The following TMEM135 variants were observed in gnomAD, a reference collection of about 807,000 sequenced individuals.
TMEM135 encodes the protein transmembrane protein 135, also known as peroxisomal membrane protein 52.
A neutral mutation model predicts 60.3 loss-of-function variants in TMEM135; 30 were observed. That is an observed-to-expected ratio of 0.50 (90% CI 0.37 to 0.68). The LOEUF (loss-of-function observed/expected upper bound fraction) is 0.68. TMEM135 is among the 30% of genes least tolerant of loss of function. TMEM135 has a pLI of 0.00. For synonymous variants in TMEM135, 190 were observed against 186.7 expected (o/e 1.02, Z -0.14); for missense variants, 468 against 548.8 (o/e 0.85, Z 1.47).
chr11:87,088,500 A>G (rs556968636), intron 3 of TMEM135, among the ~76,000 whole-genome samples: 46 of 152,384 alleles, frequency 3.0e-4, no homozygotes, highest in African/African-American at 8.4e-4. Flanking sequence ...TCAATTGTTG[A>G]AAACTGTAGA....
intron 4 of TMEM135, among the ~76,000 whole-genome samples, chr11:87,128,190 A>G (rs1168165132): frequency 6.6e-6 from 1 of 152,220 alleles, no homozygotes; most frequent in Non-Finnish European, 1.5e-5. Flanking sequence ...CTGGAAAACA[A>G]AACTACAGCC....
intron 10 of TMEM135, among the ~76,000 whole-genome samples, chr11:87,311,692 G>T (rs77983468): frequency 0.021 from 3,259 of 152,022 alleles, 72 homozygotes; most frequent in East Asian, 0.056. Flanking sequence ...AAATATTCAC[G>T]TGGTGTGTTC....
intron 4 of TMEM135, among the ~76,000 whole-genome samples, chr11:87,132,020 C>T (rs11234989): frequency 0.12 from 18,348 of 152,022 alleles, 1,436 homozygotes; most frequent in African/African-American, 0.21. Flanking sequence ...TGTCTCCTGT[C>T]ACCCCTAGAT....
chr11:87,323,779 C>T lies in TMEM135; in HGVS notation c.*2446C>T. On this transcript the variant is annotated 3_prime_UTR_variant, in exon 15 of 15. Coordinates refer to ENST00000305494, the MANE Select transcript of TMEM135 (RefSeq NM_022918.4). ...GATAACAGATTGTCTCAAATCTATT[C>T]AATTCTCAGCAGTTTTTCATCAAAT... 2.2e-6 allele frequency: 1 copy of T among 453,914 alleles called. No individual in the cohort carries two copies. The highest frequency in any genetic ancestry group is 7.0e-5 in the East Asian group (1 of 14,386). 28.1% of individuals were successfully genotyped at this position (453,914 alleles called of 1,614,324 possible).
chr11:87,277,396 G>C (rs1203953291), intron 6 of TMEM135: 1 of 267,236 alleles, frequency 3.7e-6, no homozygotes, highest in Non-Finnish European at 7.7e-6. Context: ...CTCCCAAAGT[G>C]CTGAGATTAC....
Position 87,270,502 on chromosome 11 carries a change from G to A in TMEM135, c.510-25280G>A, listed in dbSNP as rs191808633. 3.3e-5 allele frequency among the ~76,000 whole-genome samples: 5 copies of A among 152,246 alleles called. No individual in the cohort carries two copies. The East Asian group carries it at 7.7e-4, about 23-fold the overall frequency. ...AGAATTTTAATTAGCTAAATTAATA[G>A]CATTCAGTAGGTTGTCTGTAAAAAG... On this transcript the variant is annotated intron_variant, in intron 6 of 14. Coordinates refer to ENST00000305494, the MANE Select transcript of TMEM135 (RefSeq NM_022918.4).
At chr11:87,192,735 A>G (rs984643111) in intron 5 of TMEM135, among the ~76,000 whole-genome samples, 2 of 152,238 alleles carry the variant, frequency 1.3e-5, no homozygotes. Flanking sequence ...AAAGGCTGGT[A>G]CAAATTCATT....
intron 1 of TMEM135, among the ~76,000 whole-genome samples, chr11:87,047,811 C>T (rs1415782505): frequency 1.7e-5 from 2 of 118,090 alleles, no homozygotes; most frequent in Non-Finnish European, 3.5e-5. Context: ...GTGGAGCCCA[C>T]CACAGCTCAA....
chr11:87,206,556 T>C (rs554131909), intron 5 of TMEM135, among the ~76,000 whole-genome samples: 67 of 152,280 alleles, frequency 4.4e-4, no homozygotes, highest in African/African-American at 1.3e-3. Flanking sequence ...TTTTATGAAG[T>C]ATCCATGATA....
At chr11:87,175,021 G>A (rs1026747925) in intron 5 of TMEM135, among the ~76,000 whole-genome samples, 1 of 152,096 alleles carries the variant, frequency 6.6e-6, no homozygotes, top group African/African-American at 2.4e-5. Context: ...GCTTCAAGAA[G>A]GTTGTGGAGT....
At chr11:87,091,510 C>T (rs530712105) in intron 4 of TMEM135, 115 bp downstream of exon 4, 1 of 971,982 alleles carries the variant, frequency 1.0e-6, no homozygotes, top group South Asian at 1.4e-5. Flanking sequence ...ATAATCTTCT[C>T]TGTGTTAATG....
intron 5 of TMEM135, among the ~76,000 whole-genome samples, chr11:87,227,784 A>G (rs528879272): frequency 2.6e-5 from 4 of 152,318 alleles, no homozygotes; most frequent in African/African-American, 9.6e-5. Context: ...ATTCACAAAG[A>G]GACCATGCAA....
intron 5 of TMEM135, among the ~76,000 whole-genome samples, chr11:87,177,697 G>A (rs537185594): frequency 6.6e-6 from 1 of 151,906 alleles, no homozygotes; most frequent in Non-Finnish European, 1.5e-5. Context: ...TCCGCCCTCT[G>A]TGGGTATATT....
rs1339693969 is a variant in TMEM135 at position 87,322,792 on chromosome 11, G to C, written c.*1459G>C. The C allele has an allele frequency of 4.4e-6, 2 of 454,272 alleles. No homozygotes were observed. The highest frequency in any genetic ancestry group is 1.4e-4 in the East Asian group (2 of 14,390). 28.1% of individuals were successfully genotyped at this position (454,272 alleles called of 1,614,324 possible). A position where few individuals can be genotyped will look rare whatever the true frequency, so the allele number is the denominator to read the frequency against. On this transcript the variant is annotated 3_prime_UTR_variant, in exon 15 of 15. Transcript: ENST00000305494. ...ATGGCAAACAGAAACCCAACAAAAAGACAGACTCTGGTACTATGGTAACAG... is the reference window on the plus strand; with the variant it reads ...ATGGCAAACAGAAACCCAACAAAAACACAGACTCTGGTACTATGGTAACAG...
At position 87,326,325 on chromosome 11, in the gene TMEM135, T is replaced by C. The variant is rs1329982721; in HGVS notation, c.*4992T>C. On this transcript the variant is annotated 3_prime_UTR_variant, in exon 15 of 15. Transcript: ENST00000305494. Reference sequence around the variant, plus strand: ...AGTAGACCTGTAGACCTATGTTGGCTGAGGTCACCCTGCATTACTACTTTC... The same window carrying C: ...AGTAGACCTGTAGACCTATGTTGGCCGAGGTCACCCTGCATTACTACTTTC... 1 of 454,026 alleles carries C rather than the reference T, an allele frequency of 2.2e-6. No homozygotes were observed. 28.1% of individuals were successfully genotyped at this position (454,026 alleles called of 1,614,324 possible). A position where few individuals can be genotyped will look rare whatever the true frequency, so the allele number is the denominator to read the frequency against.
At chr11:87,213,747 T>C (rs1419128163) in intron 5 of TMEM135, among the ~76,000 whole-genome samples, 1 of 152,232 alleles carries the variant, frequency 6.6e-6, no homozygotes, top group Non-Finnish European at 1.5e-5. Flanking sequence ...TTAATTCTTA[T>C]ACAGTGAATG....
At chr11:87,222,155 C>G (rs1288706155) in intron 5 of TMEM135, among the ~76,000 whole-genome samples, 2 of 115,086 alleles carry the variant, frequency 1.7e-5, no homozygotes, top group East Asian at 2.4e-4. Flanking sequence ...GCAGTCCGGC[C>G]TGGGCGAAAG....
chr11:87,042,296 C>T (rs1042854490), intron 1 of TMEM135, among the ~76,000 whole-genome samples: 3 of 152,132 alleles, frequency 2.0e-5, no homozygotes, highest in Non-Finnish European at 4.4e-5. Flanking sequence ...TCTGAGCATT[C>T]CTTCTTTTCT....
At chr11:87,277,058 AT>A (rs1941981629) in intron 6 of TMEM135, 1 of 152,786 alleles carries the variant, frequency 6.5e-6, no homozygotes, top group Non-Finnish European at 1.5e-5. Flanking sequence ...TTTAGGATTA[AT>A]AAAATTTTGA....
Sources: allele counts gnomAD v4.1 joint callset (sites outside exome capture counted in the v4.1 genomes callset), GRCh38; gene constraint gnomAD v4.1.1; transcripts MANE v1.5; gene names NCBI Gene and HGNC (gene_info 2026-07-23, HGNC 2026-07-21).